SFXN5: variants seen among roughly 807,000 people sequenced by gnomAD.
SFXN5 encodes sideroflexin-5.
A neutral mutation model predicts 50.2 loss-of-function variants in SFXN5; 43 were observed. The ratio of observed to expected loss-of-function variants is 0.86; its 90% CI spans 0.67 to 1.11. SFXN5 has a LOEUF of 1.11. SFXN5 is among the 50% of genes least tolerant of loss of function. The probability of loss-of-function intolerance (pLI) is 0.00; values close to 1 mark genes in which losing one functional copy is unlikely to be tolerated. For synonymous variants in SFXN5, 203 were observed against 185.8 expected, an observed-to-expected ratio of 1.09 and a Z score of -0.75; for missense variants, 463 against 454.1, an observed-to-expected ratio of 1.02 and a Z score of -0.18.
rs749629911 is a variant in SFXN5 at position 72,944,992 on chromosome 2, A to G, written c.*30T>C. 1 of 1,606,996 alleles carries G rather than the reference A, an allele frequency of 6.2e-7. No individual in the cohort carries two copies. Among genetic ancestry groups the G allele is most frequent in the South Asian group, 1.1e-5 (1 of 90,156 alleles). On this transcript the variant is annotated 3_prime_UTR_variant, in exon 14 of 14. Transcript: ENST00000272433. ...CTGCCCCTCAGCTCCCCGGCTGCAC[A>G]GTGCTCCGTCCCCAGGCCGCTGACC...
intron 3 of SFXN5, among the ~76,000 whole-genome samples, chr2:73,036,156 C>T (rs546962684): frequency 5.9e-5 from 9 of 152,338 alleles, no homozygotes; most frequent in South Asian, 2.1e-4. Context: ...TTCAGATGAG[C>T]AGGGCCAGCC....
chr2:72,978,214 T>C (rs1574014004), intron 10 of SFXN5, among the ~76,000 whole-genome samples: 1 of 151,902 alleles, frequency 6.6e-6, no homozygotes, highest in East Asian at 1.9e-4. Context: ...CCAACTATAC[T>C]GGGAATTGGA....
At chr2:73,058,395 T>C (rs539278969) in intron 2 of SFXN5, 133 bp downstream of exon 2, 1 of 751,038 alleles carries the variant, frequency 1.3e-6, no homozygotes, top group Non-Finnish European at 2.3e-6. Flanking sequence ...AGAGAATTTG[T>C]TACCTTCCTC....
chr2:73,040,541 C>T (rs889128956), intron 3 of SFXN5, among the ~76,000 whole-genome samples: 3 of 152,132 alleles, frequency 2.0e-5, no homozygotes, highest in South Asian at 2.1e-4. Context: ...GGCTGATTTC[C>T]CACTGTGTCA....
At chr2:73,052,459 C>G (rs1681495050) in intron 2 of SFXN5, among the ~76,000 whole-genome samples, 1 of 151,918 alleles carries the variant, frequency 6.6e-6, no homozygotes, top group African/African-American at 2.4e-5. Context: ...TTCCCCTACT[C>G]TGTATTTGTA....
intron 1 of SFXN5, among the ~76,000 whole-genome samples, chr2:73,067,449 A>C (rs1482132795): frequency 6.6e-6 from 1 of 152,232 alleles, no homozygotes; most frequent in African/African-American, 2.4e-5. Flanking sequence ...TACCAATGTT[A>C]GTTTCTTAGT....
At chr2:73,006,257 T>C (rs752732631) in intron 6 of SFXN5, among the ~76,000 whole-genome samples, 1 of 151,964 alleles carries the variant, frequency 6.6e-6, no homozygotes, top group Non-Finnish European at 1.5e-5. Context: ...CAGTTGACCA[T>C]AGTGAGATGC....
chr2:72,971,774 C>T (rs1275150666), intron 10 of SFXN5, 89 bp from the exon 11 acceptor site: 2 of 978,266 alleles, frequency 2.0e-6, no homozygotes, highest in African/African-American at 3.2e-5. Flanking sequence ...CCTACGCAAG[C>T]CTTGGGGTTC....
chr2:73,004,311 G>GCACACA (rs1491084147), intron 6 of SFXN5, among the ~76,000 whole-genome samples: 1 of 89,622 alleles, frequency 1.1e-5, no homozygotes, highest in African/African-American at 5.8e-5. Context: ...GAATGAGTGC[G>GCACACA]CGCGCACACA....
chr2:72,952,109 C>T (rs992877159), intron 13 of SFXN5, among the ~76,000 whole-genome samples: 2 of 152,234 alleles, frequency 1.3e-5, no homozygotes, highest in African/African-American at 4.8e-5. Flanking sequence ...GGTGCTGGCT[C>T]TGGGCTCCCA....
chr2:72,946,682 C>G (rs190474957), intron 13 of SFXN5, among the ~76,000 whole-genome samples: 1 of 152,146 alleles, frequency 6.6e-6, no homozygotes, highest in Non-Finnish European at 1.5e-5. Context: ...GGAATGACGC[C>G]GCCATCCAGT....
intron 11 of SFXN5, 124 bp from the exon 12 acceptor site, chr2:72,968,657 A>T: frequency 8.2e-6 from 6 of 729,304 alleles, no homozygotes; most frequent in East Asian, 3.4e-5. Context: ...TATTCATGGG[A>T]TTGCTCAGGA....
intron 6 of SFXN5, among the ~76,000 whole-genome samples, chr2:73,003,974 G>C (rs1015181311): frequency 8.5e-5 from 13 of 152,174 alleles, no homozygotes; most frequent in Non-Finnish European, 1.6e-4. Flanking sequence ...TGACTGATTT[G>C]ATTTTGCCAC....
intron 4 of SFXN5, 64 bp downstream of exon 4, chr2:73,023,124 G>T: frequency 6.5e-7 from 1 of 1,535,394 alleles, no homozygotes; most frequent in African/African-American, 1.4e-5. Flanking sequence ...AGATCCCTGG[G>T]ACAGGGCAGG....
At chr2:73,044,251 A>T (rs1680010377) in intron 2 of SFXN5, among the ~76,000 whole-genome samples, 1 of 152,240 alleles carries the variant, frequency 6.6e-6, no homozygotes, top group Non-Finnish European at 1.5e-5. Flanking sequence ...GTTGCGGGAG[A>T]ACAAGATCCA....
intron 13 of SFXN5, among the ~76,000 whole-genome samples, chr2:72,948,665 C>T (rs1182580428): frequency 1.3e-5 from 2 of 152,350 alleles, no homozygotes; most frequent in Non-Finnish European, 2.9e-5. Flanking sequence ...GAGGCCTCCT[C>T]CTCCTGGCAC....
Position 72,950,565 on chromosome 2 carries a change from T to G in SFXN5, c.946-5466A>C, listed in dbSNP as rs1048945589. Among the ~76,000 whole-genome samples, 2 of 152,152 alleles carry G rather than the reference T, an allele frequency of 1.3e-5. No individual in the cohort carries two copies. Among genetic ancestry groups the G allele is most frequent in the African/African-American group, 4.8e-5 (2 of 41,436 alleles). On this transcript the variant is annotated intron_variant, in intron 13 of 13. Coordinates refer to ENST00000272433, the MANE Select transcript of SFXN5 (RefSeq NM_144579.3). This position sits in a 1 kb window ranked among gnomAD's most constrained non-coding sequence, Gnocchi z 4.2. The stretch of plus-strand genomic sequence containing the variant: ...GAGGCTGGGGCAGGAACCCCTGAGT[T>G]GCCTGCTCACCTATATGTGATGTTT...
chr2:73,066,942 G>C (rs11890653), intron 1 of SFXN5, among the ~76,000 whole-genome samples: 11,320 of 152,322 alleles, frequency 0.074, 965 homozygotes, highest in African/African-American at 0.21. Flanking sequence ...CTACTCTGGA[G>C]GTAGAGGCCA....
intron 6 of SFXN5, among the ~76,000 whole-genome samples, chr2:73,016,930 T>C (rs73943039): frequency 2.4e-3 from 371 of 152,246 alleles, no homozygotes; most frequent in Non-Finnish European, 3.9e-3. Flanking sequence ...ACAGAGTACA[T>C]TGTAGTATGG....
Sources: allele counts gnomAD v4.1 joint callset (sites outside exome capture counted in the v4.1 genomes callset), GRCh38; gene constraint gnomAD v4.1.1; non-coding constraint Gnocchi (gnomAD v3.1); transcripts MANE v1.5; gene names NCBI Gene and HGNC (gene_info 2026-07-23, HGNC 2026-07-21).